The following MGAT4C variants were observed in gnomAD, a reference collection of about 807,000 sequenced individuals.
The protein encoded by MGAT4C is alpha-1,3-mannosyl-glycoprotein 4-beta-N-acetylglucosaminyltransferase C.
In MGAT4C, 19 loss-of-function variants were observed where a neutral mutation model predicts 40.1. That is an observed-to-expected ratio of 0.47 (90% confidence interval 0.33 to 0.70). MGAT4C has a LOEUF of 0.70. MGAT4C is among the 30% of genes least tolerant of loss of function. The pLI, the probability that MGAT4C is intolerant of heterozygous loss-of-function variation, is 0.02. For missense variants in MGAT4C, 491 were observed against 563.2 expected, an observed-to-expected ratio of 0.87 and a Z score of 1.30; for synonymous variants, 181 against 187.1, an observed-to-expected ratio of 0.97 and a Z score of 0.27.
rs1883778734 is a variant in MGAT4C, at chr12:85,974,079, AT to A, written c.*5209del. On this transcript the variant is annotated 3_prime_UTR_variant, in exon 5 of 5. Coordinates refer to ENST00000611864, the MANE Select transcript of MGAT4C (RefSeq NM_001351288.2). ...AGAAAGAGAATGCTATGCAACTCAT[AT>A]TTTGATCTTTTAATGTTAAAGAATT... 1 of 150,906 alleles carries A rather than the reference AT, an allele frequency of 6.6e-6. No homozygotes were observed. Among genetic ancestry groups the A allele is most frequent in the Admixed American group, 6.6e-5 (1 of 15,112 alleles). 9.3% of individuals were successfully genotyped at this position (150,906 alleles called of 1,614,324 possible).
intron 2 of MGAT4C, among the ~76,000 whole-genome samples, chr12:86,690,451 C>T (rs886096253): frequency 2.0e-5 from 3 of 152,058 alleles, no homozygotes; most frequent in Non-Finnish European, 4.4e-5. Flanking sequence ...TGTAGGCACC[C>T]GAGAGAATCT....
chr12:86,649,105 C>T (rs1963626007), intron 2 of MGAT4C, among the ~76,000 whole-genome samples: 1 of 151,622 alleles, frequency 6.6e-6, no homozygotes, highest in Non-Finnish European at 1.5e-5. Context: ...GTGATTTTTT[C>T]CAGATTTCTG....
intron 2 of MGAT4C, among the ~76,000 whole-genome samples, chr12:86,511,113 T>C (rs1416019723): frequency 6.6e-6 from 1 of 151,936 alleles, no homozygotes; most frequent in Admixed American, 6.6e-5. Flanking sequence ...TCAGCAAATG[T>C]AAAAGAACAG....
chr12:86,046,461 T>C (rs1892403761), intron 2 of MGAT4C, among the ~76,000 whole-genome samples: 1 of 152,188 alleles, frequency 6.6e-6, no homozygotes, highest in Non-Finnish European at 1.5e-5. Context: ...CTAATCATTT[T>C]AGCCAAGATC....
chr12:86,137,733 T>C (rs1212488541), intron 1 of MGAT4C, among the ~76,000 whole-genome samples: 1 of 152,132 alleles, frequency 6.6e-6, no homozygotes. Flanking sequence ...ATACCTATAC[T>C]CCCCTCCTAT....
intron 1 of MGAT4C, among the ~76,000 whole-genome samples, chr12:86,073,517 G>A (rs1340584176): frequency 6.6e-6 from 1 of 152,178 alleles, no homozygotes; most frequent in Non-Finnish European, 1.5e-5. Flanking sequence ...CTGGAGACTT[G>A]TTGAATGGCG....
chr12:86,291,591 C>T (rs986557055), intron 4 of MGAT4C, among the ~76,000 whole-genome samples: 5 of 152,090 alleles, frequency 3.3e-5, no homozygotes, highest in Middle Eastern at 3.4e-3. Context: ...TTTCCAAATG[C>T]GGGTTGTTAT....
chr12:86,595,872 A>T (rs1961516921), intron 2 of MGAT4C, among the ~76,000 whole-genome samples: 1 of 152,194 alleles, frequency 6.6e-6, no homozygotes, highest in Non-Finnish European at 1.5e-5. Flanking sequence ...AAATATTTTT[A>T]CAGCTTCCGG....
chr12:86,688,806 T>A (rs2099025), intron 2 of MGAT4C, among the ~76,000 whole-genome samples: 4,747 of 152,270 alleles, frequency 0.031, 108 homozygotes, highest in South Asian at 0.063. Flanking sequence ...CCTTAGTGAA[T>A]CTGACAATTA....
At chr12:86,408,717 A>T (rs1029205505) in intron 3 of MGAT4C, among the ~76,000 whole-genome samples, 22 of 151,650 alleles carry the variant, frequency 1.5e-4, no homozygotes, top group African/African-American at 4.1e-4. Flanking sequence ...ACTCAGAAAA[A>T]CAAGCTTGCT....
intron 2 of MGAT4C, among the ~76,000 whole-genome samples, chr12:86,003,348 G>A (rs1304303601): frequency 3.3e-5 from 5 of 152,034 alleles, no homozygotes; most frequent in South Asian, 2.1e-4. Context: ...AGTTGAATCA[G>A]GTAATATGTC....
Position 85,970,363 on chromosome 12 carries a change from CA to C in MGAT4C, c.*8925del. ...TTTTGAATCATCTGGTAAAAATGGACAAAATTTAGTTTTATCTTGTGGTCTG... is the reference window on the plus strand; with the variant it reads ...TTTTGAATCATCTGGTAAAAATGGACAAATTTAGTTTTATCTTGTGGTCTG... On this transcript the variant is annotated 3_prime_UTR_variant, in exon 5 of 5. Transcript: ENST00000611864. 1 of 151,020 alleles carries C rather than the reference CA, an allele frequency of 6.6e-6. No individual in the cohort carries two copies. Among genetic ancestry groups the C allele is most frequent in the East Asian group, 1.9e-4 (1 of 5,168 alleles). The allele number at this position is 151,020 out of a possible 1,614,324, so 9.4% of individuals were successfully genotyped here. A position where few individuals can be genotyped will look rare whatever the true frequency, so the allele number is the denominator to read the frequency against.
intron 1 of MGAT4C, among the ~76,000 whole-genome samples, chr12:86,240,026 T>A (rs1280227867): frequency 7.2e-5 from 5 of 69,692 alleles, no homozygotes; most frequent in African/African-American, 1.7e-4. Flanking sequence ...TAGAGTATAA[T>A]AAAAAAAAAA....
intron 1 of MGAT4C, among the ~76,000 whole-genome samples, chr12:86,750,441 T>G (rs1050044695): frequency 6.6e-6 from 1 of 151,898 alleles, no homozygotes; most frequent in South Asian, 2.1e-4. Flanking sequence ...ACCTTCATTA[T>G]TTTTTGACTC....
intron 1 of MGAT4C, among the ~76,000 whole-genome samples, chr12:86,147,344 T>A (rs889433559): frequency 6.6e-6 from 1 of 152,050 alleles, no homozygotes; most frequent in Non-Finnish European, 1.5e-5. Flanking sequence ...CGGGTTCACG[T>A]CATTCTCCTG....
intron 4 of MGAT4C, among the ~76,000 whole-genome samples, chr12:86,312,498 C>T (rs561685473): frequency 2.5e-4 from 38 of 152,250 alleles, no homozygotes; most frequent in African/African-American, 8.7e-4. Flanking sequence ...AAGTGATGAC[C>T]TTGGGCAAGT....
At chr12:86,249,095 T>A (rs1270903774) in intron 1 of MGAT4C, among the ~76,000 whole-genome samples, 1 of 152,188 alleles carries the variant, frequency 6.6e-6, no homozygotes, top group Non-Finnish European at 1.5e-5. Flanking sequence ...AACTGAGTTA[T>A]TCTATAAGAA....
At chr12:86,149,717 CA>C in intron 1 of MGAT4C, among the ~76,000 whole-genome samples, 1 of 152,280 alleles carries the variant, frequency 6.6e-6, no homozygotes, top group South Asian at 2.1e-4. Flanking sequence ...AATTCTTCAA[CA>C]GGGGTCTCAT....
At chr12:86,295,397 G>A (rs1953639400) in intron 4 of MGAT4C, among the ~76,000 whole-genome samples, 1 of 152,142 alleles carries the variant, frequency 6.6e-6, no homozygotes, top group African/African-American at 2.4e-5. Context: ...AGCTCTTAAG[G>A]CAGCGCGTCT....
Sources: allele counts gnomAD v4.1 joint callset (sites outside exome capture counted in the v4.1 genomes callset), GRCh38; gene constraint gnomAD v4.1.1; transcripts MANE v1.5; gene names NCBI Gene and HGNC (gene_info 2026-07-23, HGNC 2026-07-21).